Variants in RFWD3 observed in about 807,000 individuals in gnomAD.
The protein encoded by RFWD3 is ring finger and WD repeat domain 3, also known as E3 ubiquitin-protein ligase RFWD3.
RFWD3 carries 65 observed loss-of-function variants against 87.7 expected under a neutral mutation model. That is an observed-to-expected ratio of 0.74 (90% CI 0.61 to 0.91). The LOEUF (loss-of-function observed/expected upper bound fraction) is 0.91, where lower values mean the gene tolerates loss of function less well. Among genes scored for constraint, RFWD3 ranks in the 40% least tolerant of loss-of-function variants. The pLI, the probability that RFWD3 is intolerant of heterozygous loss-of-function variation, is 0.00. For missense variants in RFWD3, 1,078 were observed against 938.5 expected, an observed-to-expected ratio of 1.15 and a Z score of -1.94; for synonymous variants, 433 against 352.8, an observed-to-expected ratio of 1.23 and a Z score of -2.55.
chr16:74,662,100 A>G (rs1019091162), intron 1 of RFWD3, among the ~76,000 whole-genome samples: 2 of 151,780 alleles, frequency 1.3e-5, no homozygotes, highest in African/African-American at 4.8e-5. Context: ...CTTTAATTCC[A>G]TTGTATCAGT....
chr16:74,649,557 A>G (rs948655093), intron 3 of RFWD3, among the ~76,000 whole-genome samples: 2 of 152,202 alleles, frequency 1.3e-5, no homozygotes, highest in Non-Finnish European at 2.9e-5. Flanking sequence ...AAATGTCATT[A>G]TACTTGCAAA....
chr16:74,624,103 A>T (rs939271503), intron 12 of RFWD3, 32 bp from the exon 13 acceptor site: 2 of 1,608,080 alleles, frequency 1.2e-6, no homozygotes, highest in African/African-American at 2.7e-5. Flanking sequence ...AAGGGTCAGG[A>T]GTCAGTCAGT....
At chr16:74,656,963 C>G (rs1230387186) in intron 2 of RFWD3, among the ~76,000 whole-genome samples, 1 of 152,232 alleles carries the variant, frequency 6.6e-6, no homozygotes, top group Non-Finnish European at 1.5e-5. Flanking sequence ...GAATTGATCT[C>G]ATTCCTAGAT....
Position 74,637,950 on chromosome 16 carries a change from A to G in RFWD3, c.1100T>C (p.Met367Thr), listed in dbSNP as rs187844792. The G allele has an allele frequency of 8.0e-4, 1,297 of 1,611,362 alleles. 13 individuals are homozygous for G. The South Asian group carries it at 0.012, about 15-fold the overall frequency. Residue 367 changes from methionine to threonine, a missense_variant, in exon 7 of 13, where the codon ATG (methionine) becomes ACG (threonine). By Grantham distance (81) the Met-to-Thr change is moderately conservative (BLOSUM62 -1). Coordinates refer to ENST00000361070, the MANE Select transcript of RFWD3 (RefSeq NM_018124.4). ...TTCTAACTCGGCCTGTTTCCTTAGC[A>G]TCTGTTCCTTCAGTAGGGAACTAGA... Reference protein sequence around the residue: ...RMKSSLLKEQMLRKQAELESA... With the variant: ...RMKSSLLKEQTLRKQAELESA...
intron 6 of RFWD3, among the ~76,000 whole-genome samples, chr16:74,641,043 A>G (rs1171508162): frequency 6.6e-6 from 1 of 152,228 alleles, no homozygotes; most frequent in African/African-American, 2.4e-5. Flanking sequence ...TATTTAGGTA[A>G]AGCTGAAATT....
intron 3 of RFWD3, 77 bp from the exon 4 acceptor site, chr16:74,649,279 A>T: frequency 9.4e-7 from 1 of 1,059,616 alleles, no homozygotes; most frequent in Non-Finnish European, 1.4e-6. Context: ...AGCTAGCAGG[A>T]GAGAGCCTGA....
chr16:74,643,813 T>C (rs953492038), intron 6 of RFWD3, among the ~76,000 whole-genome samples: 8 of 152,060 alleles, frequency 5.3e-5, no homozygotes, highest in South Asian at 4.2e-4. Flanking sequence ...GTAGCTGGGA[T>C]TACAGGCGTC....
At position 74,632,643 on chromosome 16, in the gene RFWD3, T is replaced by G. The variant is rs1349107071; in HGVS notation, c.1457A>C (p.Asn486Thr). The G allele has an allele frequency of 1.2e-6, 2 of 1,614,016 alleles. No homozygotes were observed. The highest frequency in any genetic ancestry group is 1.7e-6 in the Non-Finnish European group (2 of 1,180,006). ...GFGVKMLSTA[N>T]MKSSQYIPMH... Reference sequence around the variant, plus strand: ...CGGAATGTACTGACTGCTCTTCATGTTGGCAGTACTCAACATCTTAACACC... The same window carrying G: ...CGGAATGTACTGACTGCTCTTCATGGTGGCAGTACTCAACATCTTAACACC... The change falls in exon 9 of 13, where the codon AAC becomes ACC. Residue 486 changes from asparagine (N) to threonine (T), a missense_variant. Coordinates refer to ENST00000361070, the MANE Select transcript of RFWD3 (RefSeq NM_018124.4).
intron 6 of RFWD3, 45 bp downstream of exon 6, chr16:74,644,317 G>T: frequency 6.3e-7 from 1 of 1,590,202 alleles, no homozygotes; most frequent in South Asian, 1.1e-5. Flanking sequence ...TGCCTACAAT[G>T]AACCAAAAGG....
Position 74,644,403 on chromosome 16 carries a change from G to T in RFWD3, c.1038C>A (p.Thr346=). Residue 346 remains threonine, a synonymous_variant, in exon 6 of 13, where the codon ACC becomes ACA. Transcript: ENST00000361070. ...HSDIVVLYAR[T]LRALDTSEQE... ...GTTCACTAGTGTCCAAAGCTCTCAGGGTTCGGGCATAAAGGACGACAATGT... is the reference window on the plus strand; with the variant it reads ...GTTCACTAGTGTCCAAAGCTCTCAGTGTTCGGGCATAAAGGACGACAATGT... 1 of 1,614,142 alleles carries T rather than the reference G, an allele frequency of 6.2e-7. No homozygotes were observed. Among genetic ancestry groups the T allele is most frequent in the Non-Finnish European group, 8.5e-7 (1 of 1,180,030 alleles).
At chr16:74,647,122 C>A (rs538432928) in intron 4 of RFWD3, among the ~76,000 whole-genome samples, 93 of 151,480 alleles carry the variant, frequency 6.1e-4, no homozygotes, top group Admixed American at 2.0e-3. Flanking sequence ...GTACTGATAA[C>A]AGAAAGCTCT....
intron 6 of RFWD3, among the ~76,000 whole-genome samples, chr16:74,643,725 G>C (rs904314593): frequency 6.8e-6 from 1 of 146,572 alleles, no homozygotes; most frequent in East Asian, 2.0e-4. Flanking sequence ...GCCCAGGCTG[G>C]AGTGCAGTGG....
In RFWD3 at chr16:74,644,447, T is replaced by C; in HGVS notation, c.994A>G (p.Lys332Glu). 6.2e-7 allele frequency: 1 copy of C among 1,614,262 alleles called. No individual in the cohort carries two copies. The highest frequency in any genetic ancestry group is 8.5e-7 in the Non-Finnish European group (1 of 1,180,050). The stretch of plus-strand genomic sequence containing the variant: ...ACAATGTCACTGTGCCTGGCTTTCT[T>C]GTTGCACTAAAGAACCCAATAGGAC... ...GQVRKCPQCN[K>E]KARHSDIVVL... The change falls in exon 6 of 13, where the codon AAG becomes GAG. Residue 332 changes from lysine (K) to glutamate (E), a missense_variant. Lys to Glu is a moderately conservative substitution (Grantham distance 56, BLOSUM62 1). Transcript: ENST00000361070.
At chr16:74,633,413 T>C (rs1959165735) in intron 8 of RFWD3, among the ~76,000 whole-genome samples, 1 of 150,102 alleles carries the variant, frequency 6.7e-6, no homozygotes, top group Non-Finnish European at 1.5e-5. Context: ...AAACCTACTG[T>C]ATAAACATGT....
chr16:74,623,783 G>A lies in RFWD3; in HGVS notation c.*145C>T. Reference sequence around the variant, plus strand: ...AATCTGTAGTGTCTCAGTGACCTAGGGTCCTAGAATCATACTAATGCAAAC... The same window carrying A: ...AATCTGTAGTGTCTCAGTGACCTAGAGTCCTAGAATCATACTAATGCAAAC... On this transcript the variant is annotated 3_prime_UTR_variant, in exon 13 of 13. Coordinates refer to ENST00000361070, the MANE Select transcript of RFWD3 (RefSeq NM_018124.4). 4 of 776,556 alleles carry A rather than the reference G, an allele frequency of 5.2e-6. No individual in the cohort carries two copies. The highest frequency in any genetic ancestry group is 8.3e-6 in the Non-Finnish European group (4 of 484,258). 48.1% of individuals were successfully genotyped at this position (776,556 alleles called of 1,614,324 possible). A position where few individuals can be genotyped will look rare whatever the true frequency, so the allele number is the denominator to read the frequency against.
intron 2 of RFWD3, among the ~76,000 whole-genome samples, chr16:74,659,110 G>A (rs1215097156): frequency 1.3e-5 from 2 of 152,066 alleles, no homozygotes; most frequent in Admixed American, 6.6e-5. Flanking sequence ...GCTCTCTAGT[G>A]GTTCTGTTTT....
chr16:74,636,479 C>T lies in RFWD3; in HGVS notation c.1293G>A (p.Gln431=), dbSNP rs1959199621. The stretch of plus-strand genomic sequence containing the variant: ...TTTGGAAGTGGTACTTGTGCTTGTG[C>T]TGGCCCTGGCTGGAGGGTGAGCAGC... The part of the protein sequence containing the change: ...VLSCSPSSQG[Q]HKHKYHFQKT... Residue 431 remains glutamine, a synonymous_variant, in exon 8 of 13, where the codon CAG becomes CAA. Transcript: ENST00000361070. 6.2e-7 allele frequency: 1 copy of T among 1,613,980 alleles called. No homozygotes were observed. Among genetic ancestry groups the T allele is most frequent in the Non-Finnish European group, 8.5e-7 (1 of 1,180,042 alleles).
At chr16:74,651,512 G>C in intron 3 of RFWD3, among the ~76,000 whole-genome samples, 1 of 152,072 alleles carries the variant, frequency 6.6e-6, no homozygotes, top group South Asian at 2.1e-4. Context: ...CCAGTTAGTG[G>C]GGAGGCTGAG....
rs561883735 is a variant in RFWD3, at chr16:74,666,843, T to TCCAC, written c.-61_-60insGTGG. The TCCAC allele has an allele frequency of 4.0e-5, 6 of 151,070 alleles. No individual in the cohort carries two copies. The highest frequency in any genetic ancestry group is 1.2e-4 in the African/African-American group (5 of 41,034). The allele number at this position is 151,070 out of a possible 1,614,324, so 9.4% of individuals were successfully genotyped here. A position where few individuals can be genotyped will look rare whatever the true frequency, so the allele number is the denominator to read the frequency against. Reference sequence around the variant, plus strand: ...GCCCGCCGAAGACTCGGTAGTTACCTCGGCCGCACTCCGAATGCACCTACG... The same window carrying TCCAC: ...GCCCGCCGAAGACTCGGTAGTTACCTCCACCGGCCGCACTCCGAATGCACCTACG... On this transcript the variant is annotated 5_prime_UTR_variant, in exon 1 of 13. Coordinates refer to ENST00000361070, the MANE Select transcript of RFWD3 (RefSeq NM_018124.4).
Sources: allele counts gnomAD v4.1 joint callset (sites outside exome capture counted in the v4.1 genomes callset), GRCh38; gene constraint gnomAD v4.1.1; transcripts MANE v1.5; gene names NCBI Gene and HGNC (gene_info 2026-07-23, HGNC 2026-07-21).